The following TEC variants were observed in gnomAD, a reference collection of about 807,000 sequenced individuals.
The protein encoded by TEC is tyrosine-protein kinase Tec.
Under a neutral mutation model 93.0 loss-of-function variants are expected in TEC, and 72 were observed. The observed-to-expected ratio is 0.77, with a 90% CI of 0.64 to 0.94. TEC has a LOEUF of 0.94. Among genes scored for constraint, TEC ranks in the 40% least tolerant of loss-of-function variants. TEC has a pLI of 0.00. For missense variants in TEC, 630 were observed against 757.9 expected (o/e 0.83, Z 1.98); for synonymous variants, 249 against 247.7 (o/e 1.01, Z -0.05).
intron 2 of TEC, among the ~76,000 whole-genome samples, chr4:48,198,166 C>T (rs751509265): frequency 4.6e-5 from 7 of 152,334 alleles, no homozygotes; most frequent in Non-Finnish European, 8.8e-5. Flanking sequence ...GAACCAGTGG[C>T]TGCAGCTGCC....
chr4:48,247,616 T>C (rs1198034451), intron 1 of TEC, among the ~76,000 whole-genome samples: 1 of 152,202 alleles, frequency 6.6e-6, no homozygotes, highest in South Asian at 2.1e-4. Context: ...GAAAACATTA[T>C]GTTGGATAAA....
rs1420576778 is a variant in TEC, at chr4:48,160,821, G to C, written c.737+2881C>G. Among the ~76,000 whole-genome samples the C allele has an allele frequency of 1.7e-4, 24 of 141,786 alleles. No individual in the cohort carries two copies. In the South Asian group the frequency reaches 3.6e-3, roughly 21 times the overall value. 93.0% of individuals were successfully genotyped at this position (141,786 alleles called of 152,430 possible). ...AAAGAAAGAGAAAGAGAAAGAGAGAGAGACAGAGGGAGGGAGGGAGAGAGG... is the reference window on the plus strand; with the variant it reads ...AAAGAAAGAGAAAGAGAAAGAGAGACAGACAGAGGGAGGGAGGGAGAGAGG... On this transcript the variant is annotated intron_variant, in intron 8 of 17. Coordinates refer to ENST00000381501, the MANE Select transcript of TEC (RefSeq NM_003215.3).
chr4:48,254,703 C>T (rs538771219), intron 1 of TEC, among the ~76,000 whole-genome samples: 5 of 152,324 alleles, frequency 3.3e-5, no homozygotes, highest in South Asian at 4.1e-4. Flanking sequence ...AGTAGGTTGA[C>T]GAGTAATTTT....
chr4:48,173,294 G>A (rs777650965), intron 3 of TEC, among the ~76,000 whole-genome samples: 2 of 152,014 alleles, frequency 1.3e-5, no homozygotes, highest in African/African-American at 2.4e-5. Flanking sequence ...CTAGCTAACC[G>A]CCTCCCCCCA....
intron 2 of TEC, among the ~76,000 whole-genome samples, chr4:48,211,820 G>C (rs1371992077): frequency 1.3e-5 from 2 of 152,022 alleles, no homozygotes; most frequent in Non-Finnish European, 2.9e-5. Context: ...TTCACAGGCT[G>C]GGCACAGTGG....
In TEC at chr4:48,176,093, A is replaced by G; in HGVS notation, c.232T>C (p.Tyr78His). 6.2e-7 allele frequency: 1 copy of G among 1,613,384 alleles called. No homozygotes were observed. Among genetic ancestry groups the G allele is most frequent in the Non-Finnish European group, 8.5e-7 (1 of 1,179,360 alleles). Residue 78 changes from tyrosine to histidine, a missense_variant, in exon 3 of 18, where the codon TAT becomes CAT. By Grantham distance (83) the Tyr-to-His change is moderately conservative. Transcript: ENST00000381501. ...DDGVIPCQNK[Y>H]PFQVVHDANT... The stretch of plus-strand genomic sequence containing the variant: ...ATACACCAGCTCACCTGAAATGGAT[A>G]CTTATTTTGACAGGGAATGACACCA...
chr4:48,149,116 A>G (rs1720051056), intron 11 of TEC, among the ~76,000 whole-genome samples: 1 of 152,194 alleles, frequency 6.6e-6, no homozygotes. Context: ...GCTATTATGA[A>G]TAGTGCTGCA....
rs1254114446 is a variant in TEC, at chr4:48,234,856, T to A, written c.-45-6197A>T. Among the ~76,000 whole-genome samples the A allele has an allele frequency of 1.3e-5, 2 of 152,032 alleles. 1 individual carries two copies. Among genetic ancestry groups the A allele is most frequent in the East Asian group, 3.8e-4 (2 of 5,198 alleles). ...CAGAGGAGAAGAAGGAGGAAACCAA[T>A]AAATAATATCTACAATTGAAAAAGC... On this transcript the variant is annotated intron_variant, in intron 1 of 17. Coordinates refer to ENST00000381501, the MANE Select transcript of TEC (RefSeq NM_003215.3).
At chr4:48,209,913 T>C (rs1722841099) in intron 2 of TEC, among the ~76,000 whole-genome samples, 1 of 152,202 alleles carries the variant, frequency 6.6e-6, no homozygotes, top group Non-Finnish European at 1.5e-5. Context: ...TTGAGAGTAT[T>C]TCACTGTCAG....
chr4:48,262,059 C>G (rs1305224701), intron 1 of TEC, among the ~76,000 whole-genome samples: 1 of 151,962 alleles, frequency 6.6e-6, no homozygotes, highest in Non-Finnish European at 1.5e-5. Flanking sequence ...CTAAATAATA[C>G]AAGAAACAAT....
intron 1 of TEC, among the ~76,000 whole-genome samples, chr4:48,248,649 G>C (rs1724123043): frequency 2.0e-5 from 3 of 152,230 alleles, no homozygotes; most frequent in African/African-American, 7.2e-5. Context: ...CTAGGGGTCA[G>C]TTTGTATAAC....
At chr4:48,263,689 T>G (rs1326207376) in intron 1 of TEC, among the ~76,000 whole-genome samples, 1 of 152,044 alleles carries the variant, frequency 6.6e-6, no homozygotes, top group Non-Finnish European at 1.5e-5. Flanking sequence ...AGAGCGAGAC[T>G]GTCTCCACCC....
At chr4:48,260,649 G>C (rs1162436180) in intron 1 of TEC, among the ~76,000 whole-genome samples, 1 of 152,104 alleles carries the variant, frequency 6.6e-6, no homozygotes, top group Non-Finnish European at 1.5e-5. Flanking sequence ...CCAACAACTG[G>C]GGAGTGGCTC....
At chr4:48,257,448 A>C (rs1166730716) in intron 1 of TEC, among the ~76,000 whole-genome samples, 2 of 104,808 alleles carry the variant, frequency 1.9e-5, no homozygotes, top group African/African-American at 3.4e-5. Context: ...AAGGAGGGAA[A>C]ATATGACAAA....
At chr4:48,171,050 C>CA (rs35950616) in intron 4 of TEC, among the ~76,000 whole-genome samples, 6,574 of 147,294 alleles carry the variant, frequency 0.045, 472 homozygotes, top group African/African-American at 0.15. Flanking sequence ...AACTCTGTCT[C>CA]AAAAAAAAAA....
chr4:48,139,663 G>A (rs1362044071), intron 15 of TEC, among the ~76,000 whole-genome samples: 2 of 152,126 alleles, frequency 1.3e-5, no homozygotes, highest in Non-Finnish European at 2.9e-5. Context: ...TACAAAAACT[G>A]GTAACAGTAG....
intron 1 of TEC, among the ~76,000 whole-genome samples, chr4:48,238,556 G>A (rs1296148412): frequency 1.3e-5 from 2 of 152,014 alleles, no homozygotes; most frequent in Non-Finnish European, 2.9e-5. Context: ...TAGGGTAGGT[G>A]ATTATAGCAC....
At chr4:48,199,949 C>T (rs1372494269) in intron 2 of TEC, among the ~76,000 whole-genome samples, 1 of 152,052 alleles carries the variant, frequency 6.6e-6, no homozygotes, top group Non-Finnish European at 1.5e-5. Context: ...TAAGTGATGC[C>T]TTCACCTGCT....
At chr4:48,236,009 A>G (rs1471463814) in intron 1 of TEC, among the ~76,000 whole-genome samples, 1 of 152,166 alleles carries the variant, frequency 6.6e-6, no homozygotes, top group Non-Finnish European at 1.5e-5. Context: ...AATGGAAGGA[A>G]AAAGTTTAAT....
Sources: gnomAD v4.1 joint callset for allele counts (sites outside exome capture counted in the v4.1 genomes callset) on GRCh38, gnomAD v4.1.1 for gene constraint, MANE v1.5 for transcripts, NCBI Gene and HGNC (gene_info 2026-07-23, HGNC 2026-07-21) for gene names.